COL8A1: variants seen among roughly 807,000 people sequenced by gnomAD.
The protein encoded by COL8A1 is collagen type VIII alpha 1 chain, also known as collagen alpha-1(VIII) chain.
A neutral mutation model predicts 42.7 loss-of-function variants in COL8A1; 21 were observed. The ratio of observed to expected loss-of-function variants is 0.49; its 90% CI spans 0.35 to 0.71. The LOEUF is 0.71. COL8A1 is among the 30% of genes least tolerant of loss of function. The pLI, the probability that COL8A1 is intolerant of heterozygous loss-of-function variation, is 0.01. For missense variants in COL8A1, 788 were observed against 962.4 expected (o/e 0.82, Z 2.40); for synonymous variants, 367 against 369.1 (o/e 0.99, Z 0.06).
intron 2 of COL8A1, among the ~76,000 whole-genome samples, chr3:99,784,559 C>A (rs962036800): frequency 1.1e-4 from 16 of 152,186 alleles, no homozygotes; most frequent in African/African-American, 3.6e-4. Flanking sequence ...CAAACTTATA[C>A]AGCATGTTAC....
chr3:99,653,406 G>C (rs1371927844), intron 1 of COL8A1, among the ~76,000 whole-genome samples: 1 of 151,842 alleles, frequency 6.6e-6, no homozygotes, highest in Non-Finnish European at 1.5e-5. Context: ...TTGGGTGGGG[G>C]GTTGTGTTTT....
rs147349998 is a variant in COL8A1, at chr3:99,683,499, T to C, written c.-129+44835T>C. Among the ~76,000 whole-genome samples the C allele has an allele frequency of 5.3e-5, 8 of 152,336 alleles. No homozygotes were observed. The East Asian group carries it at 1.5e-3, about 29-fold the overall frequency. On this transcript the variant is annotated intron_variant, in intron 1 of 3. Coordinates refer to ENST00000652472, the MANE Select transcript of COL8A1 (RefSeq NM_020351.4). ...AATAAGTTTTTGTTTCATTTAGATGTAGAAAGACCTATAATTAGGCACAAT... is the reference window on the plus strand; with the variant it reads ...AATAAGTTTTTGTTTCATTTAGATGCAGAAAGACCTATAATTAGGCACAAT...
At chr3:99,677,064 A>AG (rs1553721076) in intron 1 of COL8A1, among the ~76,000 whole-genome samples, 13,633 of 149,424 alleles carry the variant, frequency 0.091, 747 homozygotes, top group Middle Eastern at 0.12. Context: ...CAAAAAGAAA[A>AG]AGAGAGAGAG....
At chr3:99,679,306 G>A (rs1938795931) in intron 1 of COL8A1, 1 of 152,200 alleles carries the variant, frequency 6.6e-6, no homozygotes. Context: ...GAGAAGTGAC[G>A]TTTGTATAAT....
chr3:99,735,230 GT>G (rs995738803), intron 1 of COL8A1, among the ~76,000 whole-genome samples: 6 of 141,454 alleles, frequency 4.2e-5, no homozygotes, highest in African/African-American at 1.6e-4. Context: ...TCTTGTGCCA[GT>G]TTTCAAAGGG....
rs73858888 is a variant in COL8A1, at chr3:99,666,841, C to G, written c.-129+28177C>G. 9.2e-3 allele frequency among the ~76,000 whole-genome samples: 1,398 copies of G among 152,230 alleles called. 24 individuals carry two copies. The highest frequency in any genetic ancestry group is 0.032 in the African/African-American group (1,320 of 41,536). On this transcript the variant is annotated intron_variant, in intron 1 of 3. Transcript: ENST00000652472. ...ATGGAAGAAATTCCCTTTGCTCTAC[C>G]AACAAGTTCTCAAACTAAATACATG...
intron 1 of COL8A1, among the ~76,000 whole-genome samples, chr3:99,697,055 C>T (rs1210544121): frequency 7.6e-6 from 1 of 131,508 alleles, no homozygotes. Context: ...GGCGGGATCT[C>T]GGCTCACTGC....
chr3:99,667,897 T>C (rs1027967691), intron 1 of COL8A1, among the ~76,000 whole-genome samples: 1 of 152,126 alleles, frequency 6.6e-6, no homozygotes, highest in Non-Finnish European at 1.5e-5. Context: ...GTAGAAATAA[T>C]GCATAAGAAA....
At chr3:99,651,046 T>G (rs748336646) in intron 1 of COL8A1, among the ~76,000 whole-genome samples, 1 of 152,220 alleles carries the variant, frequency 6.6e-6, no homozygotes, top group Non-Finnish European at 1.5e-5. Flanking sequence ...ATCTGTAATT[T>G]TAATAATATT....
intron 1 of COL8A1, chr3:99,679,662 C>A (rs961034202): frequency 6.6e-6 from 1 of 152,164 alleles, no homozygotes; most frequent in Non-Finnish European, 1.5e-5. Context: ...GTTTGCTTGC[C>A]TCATCTGTCA....
rs972370764 is a variant in COL8A1, at chr3:99,640,046, T to G, written c.-129+1382T>G. Among the ~76,000 whole-genome samples, 3 of 152,298 alleles carry G rather than the reference T, an allele frequency of 2.0e-5. No individual in the cohort carries two copies. In the South Asian group the frequency reaches 6.2e-4, roughly 32 times the overall value. ...ACCATTTCTCCTTAGCTTTTGCATA[T>G]CAAAAGTAATAAAAATATTTAAAAG... On this transcript the variant is annotated intron_variant, in intron 1 of 3. Transcript: ENST00000652472.
intron 1 of COL8A1, among the ~76,000 whole-genome samples, chr3:99,736,508 C>T (rs1333235299): frequency 2.0e-5 from 3 of 152,080 alleles, no homozygotes; most frequent in Non-Finnish European, 2.9e-5. Context: ...CATTCAGGAG[C>T]AGGTTGTTCA....
At chr3:99,706,001 A>G in intron 1 of COL8A1, among the ~76,000 whole-genome samples, 1 of 152,210 alleles carries the variant, frequency 6.6e-6, no homozygotes, top group East Asian at 1.9e-4. Flanking sequence ...GTATTTTTAG[A>G]AAAAGATCCA....
At chr3:99,789,962 C>T (rs1001156303) in intron 2 of COL8A1, among the ~76,000 whole-genome samples, 13 of 152,216 alleles carry the variant, frequency 8.5e-5, no homozygotes, top group Admixed American at 7.9e-4. Context: ...CAGAAGACTT[C>T]TGCAGGCTTT....
intron 2 of COL8A1, among the ~76,000 whole-genome samples, chr3:99,783,278 G>A (rs1007793157): frequency 2.0e-5 from 3 of 152,174 alleles, no homozygotes; most frequent in African/African-American, 7.2e-5. Context: ...TCTAGCGCTG[G>A]GGGCACAACC....
rs1468123290 is a variant in COL8A1, at chr3:99,796,085, C to T, written c.2184C>T (p.Ala728=). 6.3e-7 allele frequency: 1 copy of T among 1,580,624 alleles called. No homozygotes were observed. The highest frequency in any genetic ancestry group is 1.8e-5 in the Admixed American group (1 of 55,820). The change falls in exon 4 of 4, where the codon GCC becomes GCT. Residue 728 remains alanine, a synonymous_variant. Coordinates refer to ENST00000652472, the MANE Select transcript of COL8A1 (RefSeq NM_020351.4). ...CAGAACAGGCTGCAGGACTGTATGC[C>T]GGGCAGTATGTCCACTCCTCCTTTT... The part of the protein sequence containing the change: ...MPSEQAAGLY[A]GQYVHSSFSG...
intron 1 of COL8A1, among the ~76,000 whole-genome samples, chr3:99,676,037 T>C (rs1412723655): frequency 1.3e-5 from 2 of 152,126 alleles, no homozygotes; most frequent in African/African-American, 4.8e-5. Flanking sequence ...TAAACTATCA[T>C]CTGACATTAA....
chr3:99,761,481 T>A (rs1206618484), intron 2 of COL8A1, among the ~76,000 whole-genome samples: 5 of 152,226 alleles, frequency 3.3e-5, no homozygotes, highest in Admixed American at 3.3e-4. Context: ...ATCAGATTTC[T>A]AAGACTAAGT....
intron 1 of COL8A1, among the ~76,000 whole-genome samples, chr3:99,647,797 C>T (rs1219358742): frequency 6.6e-6 from 1 of 152,182 alleles, no homozygotes; most frequent in Non-Finnish European, 1.5e-5. Context: ...GTAGGAGGAA[C>T]ACACTGATAT....
Sources: allele counts gnomAD v4.1 joint callset (sites outside exome capture counted in the v4.1 genomes callset), GRCh38; gene constraint gnomAD v4.1.1; transcripts MANE v1.5; gene names NCBI Gene and HGNC (gene_info 2026-07-23, HGNC 2026-07-21).